Variants in ASIP observed in about 807,000 individuals in gnomAD.
ASIP encodes agouti signaling protein, also known as agouti-signaling protein.
Under a neutral mutation model 10.3 loss-of-function variants are expected in ASIP, and 11 were observed. That is an observed-to-expected ratio of 1.07 (90% CI 0.68 to 1.78). The LOEUF (loss-of-function observed/expected upper bound fraction) is 1.78, where lower values mean the gene tolerates loss of function less well. Among genes scored for constraint, ASIP ranks in the 40% most tolerant of loss-of-function variants. The pLI, the probability that ASIP is intolerant of heterozygous loss-of-function variation, is 0.00. For missense variants in ASIP, 180 were observed against 169.2 expected, an observed-to-expected ratio of 1.06 and a Z score of -0.35; for synonymous variants, 70 against 70.8, an observed-to-expected ratio of 0.99 and a Z score of 0.06.
intron 1 of ASIP, among the ~76,000 whole-genome samples, chr20:34,233,012 T>C (rs2035132479): frequency 6.6e-6 from 1 of 152,190 alleles, no homozygotes. Context: ...ACTGGGATCG[T>C]TGTTCTCCTT....
At chr20:34,264,214 T>C (rs1385267445) in intron 3 of ASIP, among the ~76,000 whole-genome samples, 6 of 151,844 alleles carry the variant, frequency 4.0e-5, no homozygotes, top group African/African-American at 1.2e-4. Context: ...AGAAAGAAAA[T>C]AACCAAATGT....
At chr20:34,226,543 A>G (rs184057813) in intron 1 of ASIP, among the ~76,000 whole-genome samples, 1 of 152,098 alleles carries the variant, frequency 6.6e-6, no homozygotes, top group East Asian at 1.9e-4. Context: ...TAGTAGAGAC[A>G]GGGTTTTGCC....
intron 1 of ASIP, among the ~76,000 whole-genome samples, chr20:34,211,240 G>A (rs1203521485): frequency 6.6e-6 from 1 of 152,138 alleles, no homozygotes; most frequent in Non-Finnish European, 1.5e-5. Context: ...CACTGTTGTT[G>A]CCCAGGCTGA....
intron 1 of ASIP, among the ~76,000 whole-genome samples, chr20:34,257,083 G>GT (rs2035585599): frequency 4.9e-5 from 4 of 81,674 alleles, no homozygotes; most frequent in Admixed American, 3.6e-4. Context: ...TTTTTTTTTT[G>GT]TTTTTTGTTT....
At chr20:34,188,729 T>C in the ASIP span, among the ~76,000 whole-genome samples, 1 of 152,168 alleles carries the variant, frequency 6.6e-6, no homozygotes, top group Non-Finnish European at 1.5e-5. Flanking sequence ...AAGAAAAATA[T>C]TGAGTAAATA....
upstream of ASIP, among the ~76,000 whole-genome samples, chr20:34,190,315 T>G (rs1032307311): frequency 1.3e-5 from 2 of 152,110 alleles, no homozygotes; most frequent in Non-Finnish European, 2.9e-5. Flanking sequence ...GTATGAAAGA[T>G]AATGAGTATG....
chr20:34,249,052 C>T (rs1329224326), intron 1 of ASIP, among the ~76,000 whole-genome samples: 1 of 151,848 alleles, frequency 6.6e-6, no homozygotes, highest in African/African-American at 2.4e-5. Flanking sequence ...TTGCTTGAAC[C>T]CTGAAGGCAG....
At chr20:34,202,194 T>C (rs77344868) in intron 1 of ASIP, among the ~76,000 whole-genome samples, 15,978 of 152,262 alleles carry the variant, frequency 0.1, 900 homozygotes, top group South Asian at 0.18. Flanking sequence ...ACTGTCCACT[T>C]GAACTTTCTG....
chr20:34,190,415 A>T (rs1224708921), upstream of ASIP, among the ~76,000 whole-genome samples: 2 of 152,146 alleles, frequency 1.3e-5, no homozygotes, highest in Non-Finnish European at 2.9e-5. Flanking sequence ...TAGTCCTTGG[A>T]ACTCAGCCCT....
At chr20:34,222,864 G>C (rs893501759) in intron 1 of ASIP, among the ~76,000 whole-genome samples, 4 of 152,150 alleles carry the variant, frequency 2.6e-5, no homozygotes, top group African/African-American at 7.2e-5. Flanking sequence ...CCCTAACCGC[G>C]AGTGATCCGC....
chr20:34,217,200 G>C (rs1460950202), intron 1 of ASIP, among the ~76,000 whole-genome samples: 3 of 152,062 alleles, frequency 2.0e-5, no homozygotes, highest in Non-Finnish European at 2.9e-5. Context: ...CACTTTGAGA[G>C]GCCAAGGCAG....
intron 1 of ASIP, among the ~76,000 whole-genome samples, chr20:34,218,537 G>T (rs984887098): frequency 1.3e-5 from 2 of 152,036 alleles, no homozygotes; most frequent in Non-Finnish European, 2.9e-5. Flanking sequence ...ATACTTCTGG[G>T]GAGCACTCCT....
chr20:34,224,713 T>C (rs2035080812), intron 1 of ASIP, among the ~76,000 whole-genome samples: 1 of 151,912 alleles, frequency 6.6e-6, no homozygotes, highest in Admixed American at 6.6e-5. Flanking sequence ...GACTTAAAAG[T>C]GTGGTGGAGT....
intron 1 of ASIP, 62 bp downstream of exon 1, chr20:34,241,551 T>C (rs1441701966): frequency 1.0e-6 from 1 of 984,338 alleles, no homozygotes; most frequent in Non-Finnish European, 1.2e-6. Context: ...CTTTGGAAAG[T>C]TGAAAGGACT....
intron 1 of ASIP, among the ~76,000 whole-genome samples, chr20:34,235,845 G>GAA (rs2035183428): frequency 2.7e-5 from 1 of 36,618 alleles, no homozygotes; most frequent in South Asian, 1.1e-3. Flanking sequence ...AAGAAAGAAG[G>GAA]AAGGAAGGAA....
chr20:34,258,098 C>T (rs112003474), intron 1 of ASIP, among the ~76,000 whole-genome samples: 2 of 151,458 alleles, frequency 1.3e-5, no homozygotes, highest in South Asian at 4.2e-4. Flanking sequence ...AAGCCAAGAT[C>T]GCACCACTGC....
chr20:34,239,963 G>A (rs193274540), upstream of ASIP, among the ~76,000 whole-genome samples: 16 of 152,262 alleles, frequency 1.1e-4, 1 homozygote, highest in East Asian at 1.9e-4. Context: ...AAAACATAGC[G>A]ATGAATCTCT....
chr20:34,193,260 A>G (rs574712553), upstream of ASIP, among the ~76,000 whole-genome samples: 1 of 152,262 alleles, frequency 6.6e-6, no homozygotes, highest in South Asian at 2.1e-4. Flanking sequence ...ACCTCTTTAA[A>G]CCAACTTTGT....
chr20:34,196,970 T>C (rs1285414190), intron 1 of ASIP, among the ~76,000 whole-genome samples: 1 of 151,584 alleles, frequency 6.6e-6, no homozygotes, highest in East Asian at 1.9e-4. Flanking sequence ...GAAGCAAAAA[T>C]ACTGAACTTA....
Sources: allele counts gnomAD v4.1 joint callset (sites outside exome capture counted in the v4.1 genomes callset), GRCh38; gene constraint gnomAD v4.1.1; transcripts MANE v1.5; gene names NCBI Gene and HGNC (gene_info 2026-07-23, HGNC 2026-07-21).